RALA: variants seen among roughly 807,000 people sequenced by gnomAD.
RALA encodes the protein RAS like proto-oncogene A.
In RALA, 5 loss-of-function variants were observed where a neutral mutation model predicts 24.0. The ratio of observed to expected loss-of-function variants is 0.21; its 90% CI spans 0.11 to 0.44. RALA has a LOEUF of 0.44. Ranked by LOEUF, RALA falls within the 20% of genes least tolerant of loss-of-function variation. The probability of loss-of-function intolerance (pLI) is 0.99; values close to 1 mark genes in which losing one functional copy is unlikely to be tolerated. For synonymous variants in RALA, 77 were observed against 83.8 expected, an observed-to-expected ratio of 0.92 and a Z score of 0.44; for missense variants, 95 against 241.2, an observed-to-expected ratio of 0.39 and a Z score of 4.01.
At chr7:39,683,214 A>G (rs1160157392) in intron 1 of RALA, among the ~76,000 whole-genome samples, 2 of 152,322 alleles carry the variant, frequency 1.3e-5, no homozygotes, top group East Asian at 3.9e-4. Flanking sequence ...ACTCTGTTAT[A>G]GCAACAGGAA....
intron 1 of RALA, among the ~76,000 whole-genome samples, chr7:39,655,192 A>G (rs1354080164): frequency 6.6e-6 from 1 of 152,218 alleles, no homozygotes; most frequent in Non-Finnish European, 1.5e-5. Flanking sequence ...ATGTCCATCA[A>G]CAGGTGAATG....
intron 1 of RALA, among the ~76,000 whole-genome samples, chr7:39,642,657 A>T (rs1441215439): frequency 6.6e-6 from 1 of 152,152 alleles, no homozygotes; most frequent in African/African-American, 2.4e-5. Flanking sequence ...AATCTGCTTC[A>T]TTTTTGGATG....
In RALA at chr7:39,699,118, GTTATT is replaced by G. The variant is rs1487930395; in HGVS notation, c.498+2262_498+2266del. On this transcript the variant is annotated intron_variant, in intron 4 of 4. Coordinates refer to ENST00000005257, the MANE Select transcript of RALA (RefSeq NM_005402.4). The stretch of plus-strand genomic sequence containing the variant: ...ACCCAGCAATTTAAGTGCTAAAAAT[GTTATT>G]TTTTTTTTTTTTTTTTTTTTTTTTT... Among the ~76,000 whole-genome samples, 275 of 84,112 alleles carry G rather than the reference GTTATT, an allele frequency of 3.3e-3. 21 individuals carry two copies. The highest frequency in any genetic ancestry group is 0.012 in the African/African-American group (260 of 21,312). 55.2% of individuals were successfully genotyped at this position (84,112 alleles called of 152,430 possible). A position where few individuals can be genotyped will look rare whatever the true frequency, so the allele number is the denominator to read the frequency against.
At chr7:39,670,723 C>CA (rs978401591) in intron 1 of RALA, among the ~76,000 whole-genome samples, 13 of 152,056 alleles carry the variant, frequency 8.5e-5, no homozygotes, top group Non-Finnish European at 1.5e-4. Context: ...TTTCCTTTTC[C>CA]ACCTTTCAGG....
chr7:39,667,500 A>C (rs531749117), intron 1 of RALA, among the ~76,000 whole-genome samples: 39 of 152,376 alleles, frequency 2.6e-4, no homozygotes, highest in African/African-American at 8.9e-4. Flanking sequence ...AGGGCGAAGG[A>C]AGGGCTACCC....
At chr7:39,678,758 AG>A (rs1174328564) in intron 1 of RALA, among the ~76,000 whole-genome samples, 1 of 152,208 alleles carries the variant, frequency 6.6e-6, no homozygotes, top group Admixed American at 6.5e-5. Flanking sequence ...AGTTTATATA[AG>A]GTACCAAGAA....
rs538206491 is a variant in RALA at position 39,701,016 on chromosome 7, T to A, written c.498+4157T>A. The A allele has an allele frequency of 3.3e-5, 5 of 152,352 alleles. No individual in the cohort carries two copies. In the East Asian group the frequency reaches 7.7e-4, roughly 23 times the overall value. 9.4% of individuals were successfully genotyped at this position (152,352 alleles called of 1,614,324 possible). On this transcript the variant is annotated intron_variant, in intron 4 of 4. Coordinates refer to ENST00000005257, the MANE Select transcript of RALA (RefSeq NM_005402.4). ...ATTTGTGTTTATAAGAGCCAGGCAC[T>A]GTGGTAAGTACCAACCATTTAATCC...
At chr7:39,705,489 T>G (rs959860283) in intron 4 of RALA, among the ~76,000 whole-genome samples, 2 of 152,188 alleles carry the variant, frequency 1.3e-5, no homozygotes, top group African/African-American at 4.8e-5. Flanking sequence ...TTATTGAAAT[T>G]TAACTTTGAA....
In RALA at chr7:39,705,840, C is replaced by T. The variant is rs950703467; in HGVS notation, c.499-283C>T. ...TTGGGTCTGTCATCACCTTATAGAA[C>T]TTTTTAGACTTTTGTCTCGAAAACT... is the stretch of plus-strand genomic sequence containing the variant. On this transcript the variant is annotated intron_variant, in intron 4 of 4. Transcript: ENST00000005257. 4.6e-5 allele frequency among the ~76,000 whole-genome samples: 7 copies of T among 152,020 alleles called. No homozygotes were observed. The East Asian group carries it at 7.7e-4, about 17-fold the overall frequency.
intron 4 of RALA, among the ~76,000 whole-genome samples, chr7:39,699,340 C>G (rs540115955): frequency 6.6e-6 from 1 of 150,944 alleles, no homozygotes. Flanking sequence ...CGGGGTTTCA[C>G]CTTGTTAGCC....
intron 4 of RALA, among the ~76,000 whole-genome samples, chr7:39,704,652 T>C (rs1373749157): frequency 2.0e-5 from 3 of 151,844 alleles, no homozygotes; most frequent in African/African-American, 7.3e-5. Flanking sequence ...TTTCAATTTT[T>C]AGGATTTGCT....
chr7:39,696,742 CAA>C lies in RALA; in HGVS notation c.383_384del (p.Lys128IlefsTer6). ...ENVPFLLVGN[K>X]SDLEDKRQVS... Reference sequence around the variant, plus strand: ...ATGTTCCATTTCTACTGGTTGGTAACAAATCAGATTTAGAAGATAAAAGACAG... The same window carrying C: ...ATGTTCCATTTCTACTGGTTGGTAACATCAGATTTAGAAGATAAAAGACAG... On this transcript the variant is annotated frameshift_variant, in exon 4 of 5. Coordinates refer to ENST00000005257, the MANE Select transcript of RALA (RefSeq NM_005402.4). LOFTEE classifies it high-confidence loss of function. 2 of 1,612,172 alleles carry C rather than the reference CAA, an allele frequency of 1.2e-6. No homozygotes were observed. The highest frequency in any genetic ancestry group is 1.7e-6 in the Non-Finnish European group (2 of 1,178,552).
intron 1 of RALA, among the ~76,000 whole-genome samples, chr7:39,642,659 T>A (rs1196470770): frequency 6.6e-6 from 1 of 152,208 alleles, no homozygotes; most frequent in Non-Finnish European, 1.5e-5. Context: ...TCTGCTTCAT[T>A]TTTGGATGTT....
intron 1 of RALA, among the ~76,000 whole-genome samples, chr7:39,642,869 A>C (rs556865325): frequency 6.6e-6 from 1 of 152,288 alleles, no homozygotes; most frequent in African/African-American, 2.4e-5. Context: ...AAACTTTCCC[A>C]CTGGTTTCCC....
At chr7:39,693,545 T>G (rs375610858) in intron 3 of RALA, among the ~76,000 whole-genome samples, 3 of 152,154 alleles carry the variant, frequency 2.0e-5, no homozygotes, top group African/African-American at 7.2e-5. Context: ...TGTGCACATG[T>G]ACCCTACAAC....
At chr7:39,624,086 G>A (rs544405601) in intron 1 of RALA, 14 of 152,124 alleles carry the variant, frequency 9.2e-5, no homozygotes, top group African/African-American at 3.4e-4. Context: ...GCCGGTCTCA[G>A]TTGGCCTCGT....
intron 3 of RALA, among the ~76,000 whole-genome samples, chr7:39,695,544 G>T (rs1361735398): frequency 6.6e-6 from 1 of 151,690 alleles, no homozygotes; most frequent in Non-Finnish European, 1.5e-5. Context: ...GACTACAGGT[G>T]CACACTACTA....
rs549056345 is a variant in RALA at position 39,650,855 on chromosome 7, G to C, written c.-38+27030G>C. 2.0e-5 allele frequency among the ~76,000 whole-genome samples: 3 copies of C among 152,342 alleles called. No homozygotes were observed. In the South Asian group the frequency reaches 6.2e-4, roughly 32 times the overall value. The stretch of plus-strand genomic sequence containing the variant: ...GACTTCTGAGACTTGGCTGGGTCTA[G>C]AGAGTCGGCTTCGTATCTTATTCAT... On this transcript the variant is annotated intron_variant, in intron 1 of 4. Coordinates refer to ENST00000005257, the MANE Select transcript of RALA (RefSeq NM_005402.4).
chr7:39,672,649 T>TAAAAAAAAA (rs35948897), intron 1 of RALA, among the ~76,000 whole-genome samples: 1 of 141,510 alleles, frequency 7.1e-6, no homozygotes. Context: ...TATTCAGTCG[T>TAAAAAAAAA]AAAAAAAAAA....
Sources: gnomAD v4.1 joint callset for allele counts (sites outside exome capture counted in the v4.1 genomes callset) on GRCh38, gnomAD v4.1.1 for gene constraint, MANE v1.5 for transcripts, NCBI Gene and HGNC (gene_info 2026-07-23, HGNC 2026-07-21) for gene names.